PI4KA: variants seen among roughly 807,000 people sequenced by gnomAD.
The protein encoded by PI4KA is phosphatidylinositol 4-kinase alpha, also known as PI4-kinase alpha.
A neutral mutation model predicts 271.4 loss-of-function variants in PI4KA; 122 were observed. That is an observed-to-expected ratio of 0.45 (90% CI 0.39 to 0.52). The LOEUF (loss-of-function observed/expected upper bound fraction) is 0.52, where lower values mean the gene tolerates loss of function less well. Among genes scored for constraint, PI4KA ranks in the 20% least tolerant of loss-of-function variants. The probability of loss-of-function intolerance (pLI) is 0.00; values close to 1 mark genes in which losing one functional copy is unlikely to be tolerated. For synonymous variants in PI4KA, 1,041 were observed against 1,078.8 expected (o/e 0.96, Z 0.69); for missense variants, 1,969 against 2,769.1 (o/e 0.71, Z 6.48).
intron 8 of PI4KA, among the ~76,000 whole-genome samples, chr22:20,811,692 C>T (rs973205896): frequency 4.0e-5 from 6 of 150,716 alleles, no homozygotes; most frequent in African/African-American, 1.5e-4. Flanking sequence ...TGATAAACAT[C>T]CTAGGAAAAG....
At chr22:20,750,306 G>T (rs1035697552) in intron 27 of PI4KA, among the ~76,000 whole-genome samples, 1 of 152,222 alleles carries the variant, frequency 6.6e-6, no homozygotes. Flanking sequence ...TAAAGACACA[G>T]GGAGAAGGCT....
intron 32 of PI4KA, among the ~76,000 whole-genome samples, chr22:20,735,399 G>T (rs1419623960): frequency 6.9e-6 from 1 of 145,168 alleles, no homozygotes; most frequent in Non-Finnish European, 1.5e-5. Flanking sequence ...AACACACACC[G>T]CGGCTCCCTC....
At chr22:20,786,167 AC>A (rs1472106572) in intron 19 of PI4KA, 1 of 1,612,882 alleles carries the variant, frequency 6.2e-7, no homozygotes, top group Non-Finnish European at 8.5e-7. Flanking sequence ...TCCCTTGTCC[AC>A]CCCCGACCCG....
intron 19 of PI4KA, among the ~76,000 whole-genome samples, chr22:20,772,482 TAAG>T (rs1932920769): frequency 6.6e-6 from 1 of 152,242 alleles, no homozygotes; most frequent in East Asian, 1.9e-4. Context: ...ATGAAGGCTC[TAAG>T]AAGACAGCTC....
rs1448770527 is a variant in PI4KA at position 20,712,709 on chromosome 22, ACC to A, written c.5658_5659del (p.Val1887GlyfsTer40). 2 of 1,550,068 alleles carry A rather than the reference ACC, an allele frequency of 1.3e-6. No individual in the cohort carries two copies. Among genetic ancestry groups the A allele is most frequent in the East Asian group, 4.9e-5 (2 of 41,142 alleles). The stretch of plus-strand genomic sequence containing the variant: ...GGAACTTACCCCAGGGGCAGTGGCC[ACC>A]ACGCGGTAGGGAAAAACAAAGAGGT... On this transcript the variant is annotated frameshift_variant, in exon 49 of 55. Transcript: ENST00000255882. LOFTEE classifies it high-confidence loss of function.
At chr22:20,727,915 C>A in intron 39 of PI4KA, 51 bp from the exon 40 acceptor site, 1 of 1,387,196 alleles carries the variant, frequency 7.2e-7, no homozygotes, top group South Asian at 1.2e-5. Context: ...GGAACCTGCA[C>A]TCTCCCACCA....
At chr22:20,726,353 G>A (rs1276789796) in intron 42 of PI4KA, 135 bp downstream of exon 42, 1 of 635,694 alleles carries the variant, frequency 1.6e-6, no homozygotes, top group African/African-American at 2.0e-5. Flanking sequence ...GGTAGGGGGA[G>A]CAAGGGGACT....
At chr22:20,764,795 A>G in intron 22 of PI4KA, 22 bp downstream of exon 22, 2 of 1,594,740 alleles carry the variant, frequency 1.3e-6, no homozygotes, top group South Asian at 1.1e-5. Flanking sequence ...GTGCATGTGC[A>G]TGGTGGTGAA....
intron 19 of PI4KA, among the ~76,000 whole-genome samples, chr22:20,778,573 A>G (rs1329321447): frequency 6.6e-6 from 1 of 152,202 alleles, no homozygotes; most frequent in Non-Finnish European, 1.5e-5. Context: ...ACAACCCCAA[A>G]GATTGCACAA....
At chr22:20,756,790 C>T (rs1239040328) in intron 23 of PI4KA, among the ~76,000 whole-genome samples, 3 of 151,904 alleles carry the variant, frequency 2.0e-5, no homozygotes, top group South Asian at 2.1e-4. Flanking sequence ...GCCATCACAC[C>T]CAGCTAATTT....
chr22:20,752,434 C>T (rs971786515), intron 25 of PI4KA, among the ~76,000 whole-genome samples: 1 of 152,214 alleles, frequency 6.6e-6, no homozygotes, highest in Non-Finnish European at 1.5e-5. Flanking sequence ...AGAAGCTGGT[C>T]CAGCCCACCT....
At chr22:20,791,140 C>T (rs1253018245) in intron 19 of PI4KA, among the ~76,000 whole-genome samples, 2 of 152,142 alleles carry the variant, frequency 1.3e-5, no homozygotes, top group Admixed American at 6.5e-5. Context: ...GCAAAGTGCC[C>T]GACAGATTTC....
In PI4KA at chr22:20,742,327, C is replaced by T. The variant is rs770747217; in HGVS notation, c.3642G>A (p.Leu1214=). The T allele has an allele frequency of 6.2e-7, 1 of 1,614,084 alleles. No individual in the cohort carries two copies. Among genetic ancestry groups the T allele is most frequent in the Non-Finnish European group, 8.5e-7 (1 of 1,180,030 alleles). The change falls in exon 32 of 55, where the codon CTG becomes CTA. Residue 1214 remains leucine (L), a synonymous_variant. Coordinates refer to ENST00000255882, the MANE Select transcript of PI4KA (RefSeq NM_058004.4). ...TGAACATCCGGAGGGGACCCCAGCA[C>T]AGATGATGAAGGAGCTGCGGGTCAC... ...KDCDPQLLHH[L]CWGPLRMFNE...
intron 19 of PI4KA, among the ~76,000 whole-genome samples, chr22:20,776,666 G>A (rs950883657): frequency 6.6e-6 from 1 of 152,208 alleles, no homozygotes; most frequent in African/African-American, 2.4e-5. Flanking sequence ...AGCGCTTGAT[G>A]TGGGGCTTAG....
intron 10 of PI4KA, among the ~76,000 whole-genome samples, chr22:20,806,875 T>C (rs1347682393): frequency 6.6e-6 from 1 of 151,582 alleles, no homozygotes; most frequent in East Asian, 2.0e-4. Flanking sequence ...GGATTACAGG[T>C]GCATGCCACT....
At position 20,714,636 on chromosome 22, in the gene PI4KA, C is replaced by T. The variant is rs140420853; in HGVS notation, c.5382G>A (p.Pro1794=). 105 of 1,613,996 alleles carry T rather than the reference C, an allele frequency of 6.5e-5. No individual in the cohort carries two copies. In the African/African-American group the frequency reaches 8.5e-4, roughly 13 times the overall value. Residue 1794 remains proline, a synonymous_variant, in exon 46 of 55, where the codon CCG becomes CCA. Transcript: ENST00000255882. The stretch of plus-strand genomic sequence containing the variant: ...TAGGGTGAGGCGCCCACCTCTGCAT[C>T]GGGGTCCCAGACTTGTAGTCGATGT... ...VLDIDYKSGT[P]MQSAAKAPYL...
At chr22:20,779,366 G>A in intron 19 of PI4KA, 2 of 1,614,190 alleles carry the variant, frequency 1.2e-6, no homozygotes, top group Non-Finnish European at 1.7e-6. Flanking sequence ...CATCTGCGTG[G>A]GGTGGGAGCA....
chr22:20,824,772 A>ACT (rs1342274795), intron 3 of PI4KA, among the ~76,000 whole-genome samples: 7 of 148,480 alleles, frequency 4.7e-5, no homozygotes, highest in Non-Finnish European at 1.5e-5. Context: ...ACACACACAC[A>ACT]CACACACAAA....
At chr22:20,805,285 C>T (rs1935587311) in intron 10 of PI4KA, 120 bp from the exon 11 acceptor site, 2 of 689,954 alleles carry the variant, frequency 2.9e-6, no homozygotes, top group African/African-American at 3.6e-5. Flanking sequence ...GCATTTGCTA[C>T]TGGCCACTGT....
Sources: allele counts gnomAD v4.1 joint callset (sites outside exome capture counted in the v4.1 genomes callset), GRCh38; gene constraint gnomAD v4.1.1; transcripts MANE v1.5; gene names NCBI Gene and HGNC (gene_info 2026-07-23, HGNC 2026-07-21).